Variants in PIBF1 observed in about 807,000 individuals in gnomAD.
PIBF1 encodes the protein progesterone-induced-blocking factor 1.
PIBF1 carries 90 observed loss-of-function variants against 112.5 expected under a neutral mutation model. The observed-to-expected ratio is 0.80, with a 90% confidence interval of 0.67 to 0.95. The LOEUF is 0.95. Ranked by LOEUF, PIBF1 falls within the 40% of genes least tolerant of loss-of-function variation. PIBF1 has a pLI of 0.00. For missense variants in PIBF1, 915 were observed against 852.3 expected (o/e 1.07, Z -0.92); for synonymous variants, 301 against 288.6 (o/e 1.04, Z -0.44).
chr13:72,893,962 G>C lies in PIBF1; in HGVS notation c.1488+13G>C. 3 of 1,444,108 alleles carry C rather than the reference G, an allele frequency of 2.1e-6. No individual in the cohort carries two copies. Among genetic ancestry groups the C allele is most frequent in the Non-Finnish European group, 2.8e-6 (3 of 1,082,492 alleles). 89.5% of individuals were successfully genotyped at this position (1,444,108 alleles called of 1,614,324 possible). A position where few individuals can be genotyped will look rare whatever the true frequency, so the allele number is the denominator to read the frequency against. On this transcript the variant is annotated intron_variant, in intron 11 of 17. Transcript: ENST00000326291. ...GAAAAAATTGGAGGTACATGTACAA[G>C]CTTTTCTTTCAACATTAGCATGGCA...
chr13:72,801,412 G>T (rs1253813446), intron 5 of PIBF1, among the ~76,000 whole-genome samples: 1 of 151,952 alleles, frequency 6.6e-6, no homozygotes, highest in Non-Finnish European at 1.5e-5. Context: ...TAAAATATAT[G>T]TAGGTACTAT....
At chr13:72,886,495 T>C (rs760244782) in intron 10 of PIBF1, among the ~76,000 whole-genome samples, 3 of 151,552 alleles carry the variant, frequency 2.0e-5, no homozygotes, top group Admixed American at 6.6e-5. Flanking sequence ...TTTTATCTCA[T>C]ACATGCTTTT....
At chr13:72,990,669 G>A (rs2043450239) in intron 16 of PIBF1, among the ~76,000 whole-genome samples, 1 of 151,720 alleles carries the variant, frequency 6.6e-6, no homozygotes, top group Non-Finnish European at 1.5e-5. Flanking sequence ...CCAACTTGGT[G>A]AAACCCCATC....
chr13:72,900,662 A>G (rs1481333148), intron 11 of PIBF1, among the ~76,000 whole-genome samples: 2 of 152,350 alleles, frequency 1.3e-5, no homozygotes, highest in Non-Finnish European at 2.9e-5. Context: ...ACCTAACATC[A>G]GAAAACCCTT....
At chr13:72,978,618 A>C (rs2043082139) in intron 16 of PIBF1, among the ~76,000 whole-genome samples, 1 of 152,144 alleles carries the variant, frequency 6.6e-6, no homozygotes, top group South Asian at 2.1e-4. Context: ...CTCAGAGCTG[A>C]ATATCTTATC....
intron 5 of PIBF1, among the ~76,000 whole-genome samples, chr13:72,805,171 C>T (rs933672093): frequency 2.0e-5 from 3 of 152,138 alleles, no homozygotes; most frequent in Non-Finnish European, 4.4e-5. Flanking sequence ...GAGATGGAGT[C>T]TCGCTTTGTC....
intron 10 of PIBF1, among the ~76,000 whole-genome samples, chr13:72,865,797 A>T (rs991910260): frequency 6.6e-6 from 1 of 151,906 alleles, no homozygotes; most frequent in Non-Finnish European, 1.5e-5. Flanking sequence ...TAAACAGTAT[A>T]TGAAGCATAA....
intron 11 of PIBF1, among the ~76,000 whole-genome samples, chr13:72,906,022 G>A (rs2040691405): frequency 6.6e-6 from 1 of 152,030 alleles, no homozygotes; most frequent in South Asian, 2.1e-4. Context: ...ATAAATACTT[G>A]ATGAATGAAT....
At chr13:72,900,893 A>AT (rs1261580175) in intron 11 of PIBF1, among the ~76,000 whole-genome samples, 1 of 152,180 alleles carries the variant, frequency 6.6e-6, no homozygotes, top group Non-Finnish European at 1.5e-5. Context: ...GTGGTGGTGC[A>AT]TGCCTGTAAT....
chr13:72,940,007 G>A (rs924766205), intron 14 of PIBF1, among the ~76,000 whole-genome samples: 8 of 152,016 alleles, frequency 5.3e-5, no homozygotes, highest in Admixed American at 2.6e-4. Flanking sequence ...TTATCATTTG[G>A]CTTTCTGGAG....
chr13:72,806,985 CT>C (rs554488822), intron 5 of PIBF1, among the ~76,000 whole-genome samples: 122 of 142,974 alleles, frequency 8.5e-4, no homozygotes, highest in South Asian at 2.6e-3. Context: ...CTAATTTACG[CT>C]TTTTTTTTTT....
At chr13:72,912,350 G>A (rs2040923749) in intron 12 of PIBF1, among the ~76,000 whole-genome samples, 3 of 152,026 alleles carry the variant, frequency 2.0e-5, no homozygotes, top group Admixed American at 1.3e-4. Flanking sequence ...AAATAGTCCT[G>A]TTTAAAACAT....
chr13:72,945,286 A>G (rs1159545027), intron 14 of PIBF1, among the ~76,000 whole-genome samples: 1 of 152,174 alleles, frequency 6.6e-6, no homozygotes, highest in Admixed American at 6.6e-5. Flanking sequence ...TCTTTATCCA[A>G]TCCATTGTTA....
chr13:72,863,401 C>T (rs1046076991), intron 10 of PIBF1, among the ~76,000 whole-genome samples: 10 of 152,064 alleles, frequency 6.6e-5, no homozygotes, highest in African/African-American at 2.2e-4. Flanking sequence ...CCTGTAATCC[C>T]AGCACTTTGG....
At chr13:73,003,256 AT>A (rs770419239) in intron 17 of PIBF1, among the ~76,000 whole-genome samples, 1,506 of 145,292 alleles carry the variant, frequency 0.01, 17 homozygotes, top group Middle Eastern at 0.015. Context: ...AGAAAAAAAA[AT>A]TTTTTTTTTT....
At chr13:72,836,092 C>G (rs759386019) in intron 9 of PIBF1, 1 of 438,992 alleles carries the variant, frequency 2.3e-6, no homozygotes, top group South Asian at 1.6e-5. Flanking sequence ...GTGCGAGACA[C>G]CATCTCAAAA....
chr13:72,818,678 C>CCTTT (rs2036405634), intron 5 of PIBF1, among the ~76,000 whole-genome samples: 1 of 80,372 alleles, frequency 1.2e-5, no homozygotes, highest in Non-Finnish European at 2.2e-5. Context: ...CAGTCTTAAA[C>CCTTT]TTTTTTTTTT....
At chr13:72,943,224 A>G (rs1566475078) in intron 14 of PIBF1, among the ~76,000 whole-genome samples, 6 of 152,298 alleles carry the variant, frequency 3.9e-5, no homozygotes, top group Admixed American at 2.0e-4. Flanking sequence ...TGGGGAATGA[A>G]GAGAGGGTGG....
At chr13:72,997,803 G>A (rs907533402) in intron 16 of PIBF1, among the ~76,000 whole-genome samples, 1 of 152,150 alleles carries the variant, frequency 6.6e-6, no homozygotes, top group Admixed American at 6.5e-5. Flanking sequence ...GATAAATAAA[G>A]ATTAAGAAGA....
Sources: gnomAD v4.1 joint callset for allele counts (sites outside exome capture counted in the v4.1 genomes callset) on GRCh38, gnomAD v4.1.1 for gene constraint, MANE v1.5 for transcripts, NCBI Gene and HGNC (gene_info 2026-07-23, HGNC 2026-07-21) for gene names.